Variants in LRRC56 observed in about 807,000 individuals in gnomAD.
LRRC56 encodes the protein leucine-rich repeat-containing protein 56.
LRRC56 carries 41 observed loss-of-function variants against 47.8 expected under a neutral mutation model. That is an observed-to-expected ratio of 0.86 (90% confidence interval 0.67 to 1.11). The LOEUF (loss-of-function observed/expected upper bound fraction) is 1.11. Ranked by LOEUF, LRRC56 falls within the 50% of genes most tolerant of loss-of-function variation. The probability of loss-of-function intolerance (pLI) is 0.00; values close to 1 mark genes in which losing one functional copy is unlikely to be tolerated. For missense variants in LRRC56, 759 were observed against 704.2 expected, an observed-to-expected ratio of 1.08 and a Z score of -0.88; for synonymous variants, 387 against 311.2, an observed-to-expected ratio of 1.24 and a Z score of -2.56.
At chr11:513,129 C>A in the LRRC56 span, among the ~76,000 whole-genome samples, 1 of 152,250 alleles carries the variant, frequency 6.6e-6, no homozygotes, top group African/African-American at 2.4e-5. Flanking sequence ...AACCCTGCCG[C>A]TTCAAGCTGT....
chr11:543,450 G>A (rs1488357084), intron 5 of LRRC56, among the ~76,000 whole-genome samples: 35 of 151,402 alleles, frequency 2.3e-4, no homozygotes, highest in African/African-American at 8.3e-4. Flanking sequence ...CCTGACCTCA[G>A]GTGATCCACC....
chr11:532,769 G>A (rs367678988), upstream of LRRC56: 8 of 1,611,364 alleles, frequency 5.0e-6, no homozygotes, highest in African/African-American at 1.3e-5. Flanking sequence ...GGAAAGGAGG[G>A]ATGGGATCAG....
chr11:540,986 T>G, intron 4 of LRRC56, 125 bp downstream of exon 4: 1 of 855,430 alleles, frequency 1.2e-6, no homozygotes, highest in Non-Finnish European at 1.7e-6. Context: ...TGCTGATGGT[T>G]GGCCTCAGCC....
At chr11:528,106 G>T in the LRRC56 span, among the ~76,000 whole-genome samples, 1 of 152,224 alleles carries the variant, frequency 6.6e-6, no homozygotes, top group Admixed American at 6.5e-5. Context: ...AAAGTGCTGG[G>T]ATTACAGGCT....
At chr11:546,141 A>G (rs527805689) in intron 6 of LRRC56, among the ~76,000 whole-genome samples, 9 of 152,292 alleles carry the variant, frequency 5.9e-5, no homozygotes, top group East Asian at 5.8e-4. Context: ...ATGGTGGCAC[A>G]TGCCTGTAAC....
At position 544,722 on chromosome 11, in the gene LRRC56, G is replaced by A. The variant is rs749154374; in HGVS notation, c.268G>A (p.Val90Met). 1 of 1,612,658 alleles carries A rather than the reference G, an allele frequency of 6.2e-7. No homozygotes were observed. The highest frequency in any genetic ancestry group is 8.5e-7 in the Non-Finnish European group (1 of 1,179,924). Residue 90 changes from valine to methionine, a missense_variant and splice_region_variant, in exon 6 of 14, where the codon GTG becomes ATG. Val to Met is a conservative substitution (Grantham distance 21, BLOSUM62 1). Coordinates refer to ENST00000270115, the MANE Select transcript of LRRC56 (RefSeq NM_198075.4). ...TREGSLGNFG[V>M]HLPNLDQLKL... Reference sequence around the variant, plus strand: ...CTCCTCCTCCTGTGGCCATACAGGGGTGCACCTGCCCAACCTGGACCAACT... The same window carrying A: ...CTCCTCCTCCTGTGGCCATACAGGGATGCACCTGCCCAACCTGGACCAACT...
chr11:533,979 A>G, upstream of LRRC56: 1 of 1,601,886 alleles, frequency 6.2e-7, no homozygotes, highest in Non-Finnish European at 8.5e-7. Flanking sequence ...CCCCCTCAGG[A>G]CCTTCCGTGG....
chr11:533,643 G>T (rs1201339339), upstream of LRRC56: 1 of 1,613,424 alleles, frequency 6.2e-7, no homozygotes, highest in Non-Finnish European at 8.5e-7. Context: ...GCTGGCTACG[G>T]GGGCTGCAGG....
At chr11:534,362 G>T, upstream of LRRC56, 5 of 1,520,502 alleles carry the variant, frequency 3.3e-6, no homozygotes, top group Non-Finnish European at 4.5e-6. Context: ...CTCCTACAGG[G>T]TCTCCTGCCC....
At chr11:547,703 A>C (rs1162698423) in intron 6 of LRRC56, among the ~76,000 whole-genome samples, 1 of 152,240 alleles carries the variant, frequency 6.6e-6, no homozygotes, top group African/African-American at 2.4e-5. Context: ...CAACAAAAAA[A>C]TATAAAAAGC....
At position 541,405 on chromosome 11, in the gene LRRC56, C is replaced by G. The variant is rs1177668429; in HGVS notation, c.178-132C>G. 3 of 494,082 alleles carry G rather than the reference C, an allele frequency of 6.1e-6. No homozygotes were observed. The highest frequency in any genetic ancestry group is 1.1e-5 in the Non-Finnish European group (3 of 280,482). The allele number at this position is 494,082 out of a possible 1,614,324, so 30.6% of individuals were successfully genotyped here. On this transcript the variant is annotated intron_variant, in intron 4 of 13. Transcript: ENST00000270115. This position sits in a 1 kb window ranked among gnomAD's most constrained non-coding sequence, Gnocchi z 4.1. ...TCCCATCCCACCACCCAGGCCAGGG[C>G]CAACATGGCCCAGGCAGGGAAACGT...
chr11:521,052 C>T, the LRRC56 span, among the ~76,000 whole-genome samples: 1 of 152,236 alleles, frequency 6.6e-6, no homozygotes. Context: ...CCACCGCCAG[C>T]GTACTCCGGA....
chr11:521,212 C>G, the LRRC56 span, among the ~76,000 whole-genome samples: 1 of 152,208 alleles, frequency 6.6e-6, no homozygotes, highest in Non-Finnish European at 1.5e-5. Flanking sequence ...CCTCAGGCCT[C>G]CCTGTCCCCA....
In LRRC56 at chr11:553,878, C is replaced by T. The variant is rs1227218595; in HGVS notation, c.1316-85C>T. ...GGACCACTGCCTCGGGGCTGCAGGG[C>T]CACGGGTGGGCTGTGGCCTCCCCAC... On this transcript the variant is annotated intron_variant, in intron 13 of 13. Transcript: ENST00000270115. The T allele has an allele frequency of 5.5e-6, 7 of 1,268,122 alleles. No individual in the cohort carries two copies. The South Asian group carries it at 6.7e-5, about 12-fold the overall frequency. 78.6% of individuals were successfully genotyped at this position (1,268,122 alleles called of 1,614,324 possible).
At chr11:509,714 ATTTTTTTTTT>A in the LRRC56 span, among the ~76,000 whole-genome samples, 1,190 of 125,200 alleles carry the variant, frequency 9.5e-3, 20 homozygotes, top group African/African-American at 0.034. Flanking sequence ...CGCCCGGCTA[ATTTTTTTTTT>A]TTTTTTTTTT....
Position 540,712 on chromosome 11 carries a change from G to A in LRRC56, c.28G>A (p.Gly10Arg), listed in dbSNP as rs1851749248. MDLGWDRSR[G>R]PRRSTSSVRV... The stretch of plus-strand genomic sequence containing the variant: ...GGATCTGGGCTGGGACAGATCCCGT[G>A]GGCCTCGGCGGAGCACCTCCAGCGT... Residue 10 changes from glycine (G) to arginine (R), a missense_variant, in exon 4 of 14, where the codon GGG becomes AGG. Physicochemically the swap from Gly to Arg is moderately radical, Grantham distance 125 (BLOSUM62 -2). Transcript: ENST00000270115. 5 of 1,612,614 alleles carry A rather than the reference G, an allele frequency of 3.1e-6. No individual in the cohort carries two copies. The highest frequency in any genetic ancestry group is 3.4e-6 in the Non-Finnish European group (4 of 1,179,878).
At chr11:543,649 C>T (rs1589807317) in intron 5 of LRRC56, among the ~76,000 whole-genome samples, 1 of 152,234 alleles carries the variant, frequency 6.6e-6, no homozygotes, top group Non-Finnish European at 1.5e-5. Flanking sequence ...TGTGAAGTCC[C>T]TGACCATTGT....
Position 544,752 on chromosome 11 carries a change from C to G in LRRC56, c.298C>G (p.Leu100Val), listed in dbSNP as rs1011007368. 2 of 1,612,408 alleles carry G rather than the reference C, an allele frequency of 1.2e-6. No individual in the cohort carries two copies. Among genetic ancestry groups the G allele is most frequent in the Non-Finnish European group, 1.7e-6 (2 of 1,179,906 alleles). The change falls in exon 6 of 14, where the codon CTG becomes GTG. Residue 100 changes from leucine (L) to valine (V), a missense_variant. Leu to Val is a conservative substitution (Grantham distance 32, BLOSUM62 1). Transcript: ENST00000270115. The stretch of plus-strand genomic sequence containing the variant: ...CCTGCCCAACCTGGACCAACTGAAG[C>G]TGAACGGCAGCCACCTGGGCTCCCT... ...VHLPNLDQLK[L>V]NGSHLGSLRD...
At chr11:535,985 G>GGGCTT (rs1211874921), upstream of LRRC56, among the ~76,000 whole-genome samples, 1 of 152,172 alleles carries the variant, frequency 6.6e-6, no homozygotes, top group African/African-American at 2.4e-5. Flanking sequence ...GGGAAAGGCT[G>GGGCTT]GGATCCGCCG....
Sources: allele counts gnomAD v4.1 joint callset (sites outside exome capture counted in the v4.1 genomes callset), GRCh38; gene constraint gnomAD v4.1.1; non-coding constraint Gnocchi (gnomAD v3.1); transcripts MANE v1.5; gene names NCBI Gene and HGNC (gene_info 2026-07-23, HGNC 2026-07-21).